THSD7B: variants seen among roughly 807,000 people sequenced by gnomAD.
THSD7B encodes the protein thrombospondin type 1 domain containing 7B, also known as thrombospondin type-1 domain-containing protein 7B.
In THSD7B, 138 loss-of-function variants were observed where a neutral mutation model predicts 213.6. That is an observed-to-expected ratio of 0.65 (90% CI 0.56 to 0.74). THSD7B has a LOEUF of 0.74. Ranked by LOEUF, THSD7B falls within the 30% of genes least tolerant of loss-of-function variation. THSD7B has a pLI of 0.00. For synonymous variants in THSD7B, 742 were observed against 687.0 expected, an observed-to-expected ratio of 1.08 and a Z score of -1.25; for missense variants, 1,931 against 1,991.5, an observed-to-expected ratio of 0.97 and a Z score of 0.58.
intron 15 of THSD7B, among the ~76,000 whole-genome samples, chr2:137,469,231 G>A (rs931525114): frequency 3.3e-5 from 5 of 152,112 alleles, no homozygotes; most frequent in East Asian, 1.9e-4. Context: ...TAATTCTGGC[G>A]AGAAAAATTA....
chr2:137,003,931 C>T lies in THSD7B; in HGVS notation c.140-52489C>T, dbSNP rs562974006. On this transcript the variant is annotated intron_variant, in intron 2 of 27. Coordinates refer to ENST00000409968, the MANE Select transcript of THSD7B (RefSeq NM_001316349.2). ...ATTTTATTTTTTCTATACTATGTTA[C>T]TTTTTGGTGCTAAAAATGTTATAAA... 8.1e-4 allele frequency among the ~76,000 whole-genome samples: 123 copies of T among 152,242 alleles called. 2 individuals carry two copies. The highest frequency in any genetic ancestry group is 2.9e-3 in the African/African-American group (122 of 41,560).
chr2:137,431,707 G>C (rs1029505711), intron 14 of THSD7B, among the ~76,000 whole-genome samples: 1 of 152,056 alleles, frequency 6.6e-6, no homozygotes, highest in African/African-American at 2.4e-5. Context: ...CCCATAGATA[G>C]GATTTTGGGC....
chr2:137,080,711 T>A (rs1297792861), intron 3 of THSD7B, among the ~76,000 whole-genome samples: 1 of 152,148 alleles, frequency 6.6e-6, no homozygotes, highest in East Asian at 1.9e-4. Context: ...TTCTTCTTCT[T>A]CTTCCATGTT....
chr2:136,906,871 A>G (rs986259644), intron 2 of THSD7B, among the ~76,000 whole-genome samples: 2 of 151,108 alleles, frequency 1.3e-5, no homozygotes, highest in African/African-American at 4.9e-5. Flanking sequence ...CTTTGTAGAA[A>G]GTATGAAGCT....
chr2:136,859,832 C>T (rs1683232139), intron 1 of THSD7B, among the ~76,000 whole-genome samples: 1 of 152,050 alleles, frequency 6.6e-6, no homozygotes, highest in African/African-American at 2.4e-5. Context: ...GGAAGGAAGA[C>T]CTGAGACACA....
At chr2:137,587,089 T>TATATCA (rs1681749450) in intron 17 of THSD7B, among the ~76,000 whole-genome samples, 1 of 152,234 alleles carries the variant, frequency 6.6e-6, no homozygotes, top group Non-Finnish European at 1.5e-5. Flanking sequence ...ATTCATTTGA[T>TATATCA]CTTCAATCAC....
intron 15 of THSD7B, among the ~76,000 whole-genome samples, chr2:137,486,906 C>T (rs1347699615): frequency 6.6e-6 from 1 of 152,030 alleles, no homozygotes; most frequent in South Asian, 2.1e-4. Flanking sequence ...GGGTAAATAA[C>T]GAAATGAAGG....
At chr2:137,510,806 G>A (rs1308770057) in intron 15 of THSD7B, among the ~76,000 whole-genome samples, 1 of 151,932 alleles carries the variant, frequency 6.6e-6, no homozygotes, top group Admixed American at 6.6e-5. Flanking sequence ...CTTTATTTTT[G>A]GCTATTAGAA....
intron 2 of THSD7B, among the ~76,000 whole-genome samples, chr2:136,923,447 A>G (rs1414272781): frequency 6.6e-6 from 1 of 152,062 alleles, no homozygotes; most frequent in Non-Finnish European, 1.5e-5. Context: ...CTTTTTCTTC[A>G]ATTCTTGTGG....
intron 2 of THSD7B, among the ~76,000 whole-genome samples, chr2:137,027,249 G>A (rs969108184): frequency 7.2e-5 from 11 of 152,122 alleles, no homozygotes; most frequent in Admixed American, 2.0e-4. Flanking sequence ...CCCACAGATG[G>A]CTCTTTCTCG....
At chr2:137,644,584 T>C (rs7560587) in intron 21 of THSD7B, among the ~76,000 whole-genome samples, 36,611 of 152,168 alleles carry the variant, frequency 0.24, 4,716 homozygotes, top group Middle Eastern at 0.36. Flanking sequence ...AGCCTGATTG[T>C]TAACTCTTTG....
chr2:137,622,159 TG>T (rs1369027205), intron 20 of THSD7B, among the ~76,000 whole-genome samples: 1 of 152,186 alleles, frequency 6.6e-6, no homozygotes, highest in Non-Finnish European at 1.5e-5. Flanking sequence ...TCAGTTTTGC[TG>T]GGAACAAACC....
chr2:136,805,984 C>A (rs971111731), intron 1 of THSD7B, among the ~76,000 whole-genome samples: 48 of 152,122 alleles, frequency 3.2e-4, no homozygotes, highest in African/African-American at 1.1e-3. Flanking sequence ...TAGAATATGC[C>A]ATGTGTTTCT....
At chr2:137,020,269 A>G (rs1415937761) in intron 2 of THSD7B, among the ~76,000 whole-genome samples, 3 of 152,152 alleles carry the variant, frequency 2.0e-5, no homozygotes, top group Non-Finnish European at 4.4e-5. Context: ...CTGTGTTCTG[A>G]GGGAAGCAAG....
chr2:137,548,262 A>G (rs894974884), intron 15 of THSD7B, among the ~76,000 whole-genome samples: 1 of 151,974 alleles, frequency 6.6e-6, no homozygotes, highest in Non-Finnish European at 1.5e-5. Flanking sequence ...TAAGTATTAG[A>G]ATATACTAAT....
At chr2:136,891,450 C>T (rs1026267390) in intron 2 of THSD7B, among the ~76,000 whole-genome samples, 2 of 152,142 alleles carry the variant, frequency 1.3e-5, no homozygotes, top group African/African-American at 4.8e-5. Flanking sequence ...CTATATTTAT[C>T]AATACCCAGA....
chr2:136,919,084 A>C (rs1315911168), intron 2 of THSD7B, among the ~76,000 whole-genome samples: 3 of 152,208 alleles, frequency 2.0e-5, no homozygotes, highest in Admixed American at 2.0e-4. Context: ...CCAAACCCCA[A>C]AGTGAAACAA....
At chr2:137,404,506 CAT>C (rs1238992514) in intron 12 of THSD7B, among the ~76,000 whole-genome samples, 173 of 117,814 alleles carry the variant, frequency 1.5e-3, no homozygotes, top group Non-Finnish European at 2.4e-3. Flanking sequence ...CACACACACA[CAT>C]ATATGTATAT....
At chr2:137,547,279 C>T (rs902201146) in intron 15 of THSD7B, among the ~76,000 whole-genome samples, 1 of 152,008 alleles carries the variant, frequency 6.6e-6, no homozygotes, top group Non-Finnish European at 1.5e-5. Flanking sequence ...TTCTCCCAGA[C>T]ATGTCAGGTC....
Sources: allele counts gnomAD v4.1 joint callset (sites outside exome capture counted in the v4.1 genomes callset), GRCh38; gene constraint gnomAD v4.1.1; transcripts MANE v1.5; gene names NCBI Gene and HGNC (gene_info 2026-07-23, HGNC 2026-07-21).